The following ATG10 variants were observed in gnomAD, a reference collection of about 807,000 sequenced individuals.
The protein encoded by ATG10 is ubiquitin-like-conjugating enzyme ATG10.
Under a neutral mutation model 32.1 loss-of-function variants are expected in ATG10, and 30 were observed. The ratio of observed to expected loss-of-function variants is 0.94; its 90% confidence interval spans 0.70 to 1.27. The LOEUF (loss-of-function observed/expected upper bound fraction) is 1.27. Among genes scored for constraint, ATG10 ranks in the 50% most tolerant of loss-of-function variants. The pLI is 0.00. For missense variants in ATG10, 233 were observed against 262.3 expected, an observed-to-expected ratio of 0.89 and a Z score of 0.77; for synonymous variants, 87 against 91.5, an observed-to-expected ratio of 0.95 and a Z score of 0.28.
chr5:82,093,612 A>G (rs1764960136), intron 3 of ATG10, among the ~76,000 whole-genome samples: 1 of 152,068 alleles, frequency 6.6e-6, no homozygotes, highest in South Asian at 2.1e-4. Flanking sequence ...GTCAGTTTCA[A>G]TTGATTAATT....
intron 5 of ATG10, among the ~76,000 whole-genome samples, chr5:82,209,986 G>A (rs1449770123): frequency 1.3e-5 from 2 of 152,134 alleles, no homozygotes; most frequent in South Asian, 2.1e-4. Context: ...AATTTGAGAT[G>A]TAGTAGTTTC....
At chr5:82,222,668 C>G (rs1209040986) in intron 5 of ATG10, among the ~76,000 whole-genome samples, 1 of 152,152 alleles carries the variant, frequency 6.6e-6, no homozygotes, top group Non-Finnish European at 1.5e-5. Context: ...GGTGGGCCAT[C>G]TGGTAGTGAT....
rs1016104834 is a variant in ATG10, at chr5:81,986,056, G to T, written c.-12-1503G>T. On this transcript the variant is annotated intron_variant, in intron 1 of 7. Transcript: ENST00000282185. Reference sequence around the variant, plus strand: ...TGGGATTACAGGCGTGAGCCACCGCGCCTGGCCACGCCTGCCTAATTTTTT... The same window carrying T: ...TGGGATTACAGGCGTGAGCCACCGCTCCTGGCCACGCCTGCCTAATTTTTT... Among the ~76,000 whole-genome samples, 12 of 151,568 alleles carry T rather than the reference G, an allele frequency of 7.9e-5. 1 individual carries two copies. The highest frequency in any genetic ancestry group is 5.3e-4 in the Admixed American group (8 of 15,236).
At chr5:82,083,175 G>T (rs905008919) in intron 3 of ATG10, among the ~76,000 whole-genome samples, 1 of 152,204 alleles carries the variant, frequency 6.6e-6, no homozygotes, top group Non-Finnish European at 1.5e-5. Flanking sequence ...GGCACACCAG[G>T]AGATTATATC....
At chr5:82,174,380 A>T (rs1743928644) in intron 4 of ATG10, among the ~76,000 whole-genome samples, 1 of 152,182 alleles carries the variant, frequency 6.6e-6, no homozygotes, top group Non-Finnish European at 1.5e-5. Context: ...GGAAAAGCAA[A>T]ATTATATACT....
chr5:82,216,823 G>A (rs1375271379), intron 5 of ATG10, among the ~76,000 whole-genome samples: 1 of 152,092 alleles, frequency 6.6e-6, no homozygotes, highest in East Asian at 1.9e-4. Context: ...TTGGGAGGCC[G>A]AGGTGGGTGG....
intron 3 of ATG10, among the ~76,000 whole-genome samples, chr5:82,137,536 C>T (rs1203155769): frequency 6.6e-6 from 1 of 152,182 alleles, no homozygotes; most frequent in Non-Finnish European, 1.5e-5. Context: ...CTGGTTATCA[C>T]CAGCGGAGGC....
At chr5:82,048,723 C>A (rs1448409042) in intron 2 of ATG10, among the ~76,000 whole-genome samples, 1 of 151,948 alleles carries the variant, frequency 6.6e-6, no homozygotes, top group East Asian at 1.9e-4. Context: ...ACAACCCCAT[C>A]AAAAAGTGGG....
chr5:81,980,790 C>T (rs971486415), intron 1 of ATG10, among the ~76,000 whole-genome samples: 7 of 152,088 alleles, frequency 4.6e-5, no homozygotes, highest in Non-Finnish European at 7.4e-5. Context: ...GCCATGCACA[C>T]TGCACTACTG....
At chr5:82,139,777 C>T (rs1477822695) in intron 3 of ATG10, among the ~76,000 whole-genome samples, 3 of 135,456 alleles carry the variant, frequency 2.2e-5, no homozygotes, top group South Asian at 2.6e-4. Context: ...CTCTGCCCGG[C>T]CGCCCCTACT....
intron 3 of ATG10, among the ~76,000 whole-genome samples, chr5:82,060,515 T>G (rs897319850): frequency 3.3e-5 from 5 of 152,190 alleles, no homozygotes; most frequent in South Asian, 4.1e-4. Context: ...CATCTCTAGA[T>G]GGATACAGTC....
intron 5 of ATG10, among the ~76,000 whole-genome samples, chr5:82,241,520 C>G (rs1385509322): frequency 6.6e-6 from 1 of 152,136 alleles, no homozygotes; most frequent in Non-Finnish European, 1.5e-5. Flanking sequence ...GTCTTACTTC[C>G]ACTGTCATTC....
intron 5 of ATG10, among the ~76,000 whole-genome samples, chr5:82,181,215 AG>A (rs1177317592): frequency 2.0e-5 from 3 of 152,154 alleles, no homozygotes; most frequent in African/African-American, 7.2e-5. Flanking sequence ...TATAAAACTT[AG>A]GTGGTCCTTT....
rs539996586 is a variant in ATG10 at position 82,053,543 on chromosome 5, C to G, written c.109-4952C>G. Among the ~76,000 whole-genome samples the G allele has an allele frequency of 7.2e-5, 11 of 152,150 alleles. 1 individual carries two copies. The South Asian group carries it at 2.1e-3, about 29-fold the overall frequency. ...ATCATATTAAAAAATATGTGTTCTCCTATATTTTCATCTAGCATATTTGGG... is the reference window on the plus strand; with the variant it reads ...ATCATATTAAAAAATATGTGTTCTCGTATATTTTCATCTAGCATATTTGGG... On this transcript the variant is annotated intron_variant, in intron 2 of 7. Transcript: ENST00000282185.
At chr5:82,185,340 A>C (rs2149935107) in intron 5 of ATG10, among the ~76,000 whole-genome samples, 1 of 152,352 alleles carries the variant, frequency 6.6e-6, no homozygotes, top group African/African-American at 2.4e-5. Flanking sequence ...TGGGAAAGGA[A>C]AGTACAAGTG....
At chr5:82,136,975 A>G (rs933952857) in intron 3 of ATG10, among the ~76,000 whole-genome samples, 3 of 151,850 alleles carry the variant, frequency 2.0e-5, no homozygotes, top group African/African-American at 7.3e-5. Flanking sequence ...TCAATCTCTG[A>G]TATCCTTTCT....
chr5:82,045,404 G>A (rs569101592), intron 2 of ATG10, among the ~76,000 whole-genome samples: 1 of 152,148 alleles, frequency 6.6e-6, no homozygotes, highest in African/African-American at 2.4e-5. Flanking sequence ...ACACAGCAGT[G>A]GGAGAACATG....
At chr5:82,243,965 G>A (rs1379109762) in intron 5 of ATG10, among the ~76,000 whole-genome samples, 1 of 152,090 alleles carries the variant, frequency 6.6e-6, no homozygotes, top group African/African-American at 2.4e-5. Context: ...GTAAAACAGA[G>A]GACAAAGATA....
intron 3 of ATG10, among the ~76,000 whole-genome samples, chr5:82,062,898 T>TA (rs772065081): frequency 9.2e-5 from 14 of 152,236 alleles, no homozygotes; most frequent in Non-Finnish European, 1.8e-4. Context: ...TAGATCAACA[T>TA]TAGACAGAGA....
Sources: gnomAD v4.1 joint callset for allele counts (sites outside exome capture counted in the v4.1 genomes callset) on GRCh38, gnomAD v4.1.1 for gene constraint, MANE v1.5 for transcripts, NCBI Gene and HGNC (gene_info 2026-07-23, HGNC 2026-07-21) for gene names.